EBF4: variants seen among roughly 807,000 people sequenced by gnomAD.
EBF4 encodes the protein EBF transcription factor 4.
In EBF4, 34 loss-of-function variants were observed where a neutral mutation model predicts 67.1. The ratio of observed to expected loss-of-function variants is 0.51; its 90% CI spans 0.39 to 0.67. The LOEUF is 0.67. Ranked by LOEUF, EBF4 falls within the 30% of genes least tolerant of loss-of-function variation. EBF4 has a pLI of 0.00. For missense variants in EBF4, 837 were observed against 873.3 expected (o/e 0.96, Z 0.52); for synonymous variants, 387 against 377.7 (o/e 1.02, Z -0.29).
At chr20:2,736,748 G>A (rs770977911) in intron 6 of EBF4, among the ~76,000 whole-genome samples, 62 of 152,282 alleles carry the variant, frequency 4.1e-4, no homozygotes, top group Non-Finnish European at 6.0e-4. Flanking sequence ...GCATTTGAGA[G>A]AGGGAGAAGC....
At chr20:2,717,336 G>A (rs1216751341) in intron 6 of EBF4, among the ~76,000 whole-genome samples, 1 of 152,138 alleles carries the variant, frequency 6.6e-6, no homozygotes, top group Non-Finnish European at 1.5e-5. Context: ...AATATATAGG[G>A]ATGGGGAATA....
chr20:2,737,174 C>G (rs868406883), intron 6 of EBF4, among the ~76,000 whole-genome samples: 1 of 148,106 alleles, frequency 6.8e-6, no homozygotes, highest in East Asian at 2.0e-4. Flanking sequence ...GGCGTGAACC[C>G]GGGAGGCGGA....
chr20:2,708,051 C>A (rs2087483994), intron 5 of EBF4, 31 bp downstream of exon 5: 2 of 1,586,330 alleles, frequency 1.3e-6, no homozygotes, highest in Non-Finnish European at 1.7e-6. Context: ...ACACCTCACC[C>A]CTCTGCCAAG....
chr20:2,710,105 C>T (rs1429876805), intron 6 of EBF4, among the ~76,000 whole-genome samples: 2 of 152,084 alleles, frequency 1.3e-5, no homozygotes, highest in East Asian at 1.9e-4. Flanking sequence ...ATAGAATTGT[C>T]GAGGTGATGC....
At chr20:2,710,518 G>A (rs1291049854) in intron 6 of EBF4, among the ~76,000 whole-genome samples, 3 of 150,078 alleles carry the variant, frequency 2.0e-5, no homozygotes, top group African/African-American at 7.3e-5. Flanking sequence ...AGTAAATAAT[G>A]AAAAGGAAGT....
intron 6 of EBF4, among the ~76,000 whole-genome samples, chr20:2,744,995 C>T (rs908849243): frequency 1.3e-5 from 2 of 152,202 alleles, no homozygotes; most frequent in Admixed American, 1.3e-4. Flanking sequence ...ACTTACAGCA[C>T]ATCTCAAGTT....
At chr20:2,729,224 C>T (rs948260737) in intron 6 of EBF4, among the ~76,000 whole-genome samples, 7 of 152,024 alleles carry the variant, frequency 4.6e-5, no homozygotes, top group African/African-American at 7.2e-5. Context: ...AAGCCTTCGC[C>T]GACTCCTATT....
intron 1 of EBF4, among the ~76,000 whole-genome samples, chr20:2,694,571 A>C (rs2087261519): frequency 6.6e-6 from 1 of 152,202 alleles, no homozygotes; most frequent in East Asian, 1.9e-4. Flanking sequence ...AGCTGTGACC[A>C]TGGAGGGAGG....
Position 2,755,736 on chromosome 20 carries a change from C to G in EBF4, c.1650C>G (p.Val550=). 1 of 1,551,126 alleles carries G rather than the reference C, an allele frequency of 6.4e-7. No homozygotes were observed. Among genetic ancestry groups the G allele is most frequent in the Non-Finnish European group, 8.7e-7 (1 of 1,146,898 alleles). Residue 550 remains valine (V), a synonymous_variant, in exon 15 of 17, where the codon GTC becomes GTG. Transcript: ENST00000609451. The surrounding 1 kb of genome is among the most constrained non-coding windows in gnomAD (Gnocchi z 4.7). ...CGCCTGTCAACATGATCTCCGCCGT[C>G]AAACAGAGGAGCGCCTTCGCCCCCG... is the stretch of plus-strand genomic sequence containing the variant.
At chr20:2,753,765 G>A (rs1051351954) in intron 14 of EBF4, among the ~76,000 whole-genome samples, 2 of 152,324 alleles carry the variant, frequency 1.3e-5, no homozygotes, top group East Asian at 3.9e-4. Context: ...CTGAAGGCTT[G>A]AGCCTGGCCC....
At position 2,739,158 on chromosome 20, in the gene EBF4, T is replaced by C. The variant is rs2087932610; in HGVS notation, c.558-9391T>C. ...CCCTTCCCTTCTCTAGCGTAGGCCCTTTGGTGCCTGTTTCTGCCTGAAGGG... is the reference window on the plus strand; with the variant it reads ...CCCTTCCCTTCTCTAGCGTAGGCCCCTTGGTGCCTGTTTCTGCCTGAAGGG... On this transcript the variant is annotated intron_variant, in intron 6 of 16. Transcript: ENST00000609451. The surrounding 1 kb of genome is among the most constrained non-coding windows in gnomAD (Gnocchi z 4.5). Among the ~76,000 whole-genome samples the C allele has an allele frequency of 6.6e-6, 1 of 152,130 alleles. No individual in the cohort carries two copies. The highest frequency in any genetic ancestry group is 6.5e-5 in the Admixed American group (1 of 15,286).
At position 2,752,639 on chromosome 20, in the gene EBF4, C is replaced by T. The variant is rs925921237; in HGVS notation, c.1540+94C>T. The T allele has an allele frequency of 3.1e-5, 34 of 1,089,820 alleles. No individual in the cohort carries two copies. In the African/African-American group the frequency reaches 4.2e-4, roughly 14 times the overall value. 67.5% of individuals were successfully genotyped at this position (1,089,820 alleles called of 1,614,324 possible). On this transcript the variant is annotated intron_variant, in intron 14 of 16. Coordinates refer to ENST00000609451, the Ensembl canonical transcript of EBF4. The stretch of plus-strand genomic sequence containing the variant: ...GCCCATCCCGGAGAGGTTGGGGCGC[C>T]GGCGCCGTGAGAGTCGACCCTGGCT...
chr20:2,716,758 C>T (rs896068936), intron 6 of EBF4, among the ~76,000 whole-genome samples: 4 of 152,166 alleles, frequency 2.6e-5, no homozygotes, highest in Non-Finnish European at 5.9e-5. Flanking sequence ...AGTTGTAGTA[C>T]CAGCTATGTC....
chr20:2,752,677 T>A, intron 14 of EBF4, 132 bp downstream of exon 14: 1 of 797,030 alleles, frequency 1.3e-6, no homozygotes, highest in Non-Finnish European at 1.7e-6. Flanking sequence ...GCCCTCGGGG[T>A]CAGGCCCACC....
At position 2,751,427 on chromosome 20, in the gene EBF4, G is replaced by A. The variant is rs1475196123; in HGVS notation, c.1019-273G>A. On this transcript the variant is annotated intron_variant, in intron 10 of 16. Transcript: ENST00000609451. The surrounding 1 kb of genome is among the most constrained non-coding windows in gnomAD (Gnocchi z 5.2). ...TTCCCTTTTTTCTAATCACAAATGG[G>A]TGCATGTGTGTTCATACCAAGCGCC... Among the ~76,000 whole-genome samples the A allele has an allele frequency of 6.6e-6, 1 of 152,200 alleles. No homozygotes were observed. Among genetic ancestry groups the A allele is most frequent in the Admixed American group, 6.5e-5 (1 of 15,292 alleles).
Position 2,708,024 on chromosome 20 carries a change from A to G in EBF4, c.488+4A>G, listed in dbSNP as rs1156375269. 4.4e-6 allele frequency: 7 copies of G among 1,605,844 alleles called. No individual in the cohort carries two copies. Among genetic ancestry groups the G allele is most frequent in the South Asian group, 1.1e-5 (1 of 89,904 alleles). On this transcript the variant is annotated splice_donor_region_variant and intron_variant, in intron 5 of 16. Coordinates refer to ENST00000609451, the Ensembl canonical transcript of EBF4. Reference sequence around the variant, plus strand: ...TCACCCATGAGATCATGTGCAGGTGAGATGGCCATGTCACTCACACCTCAC... The same window carrying G: ...TCACCCATGAGATCATGTGCAGGTGGGATGGCCATGTCACTCACACCTCAC...
chr20:2,703,084 C>T (rs947077106), intron 1 of EBF4, among the ~76,000 whole-genome samples: 1 of 151,542 alleles, frequency 6.6e-6, no homozygotes, highest in African/African-American at 2.4e-5. Context: ...AGTCCAGCCT[C>T]ATCTCTACAA....
exon 13 of EBF4, chr20:2,752,131 A>G (rs2088159266): frequency 6.9e-7 from 1 of 1,453,346 alleles, no homozygotes; most frequent in Non-Finnish European, 9.0e-7. Flanking sequence ...GGCTCTGTAC[A>G]GCACCCCCCG....
chr20:2,694,232 C>T (rs1361293987), intron 1 of EBF4, among the ~76,000 whole-genome samples: 1 of 152,306 alleles, frequency 6.6e-6, no homozygotes, highest in Non-Finnish European at 1.5e-5. Context: ...TCCCACGCCC[C>T]TCAGAGTTGG....
Sources: allele counts gnomAD v4.1 joint callset (sites outside exome capture counted in the v4.1 genomes callset), GRCh38; gene constraint gnomAD v4.1.1; non-coding constraint Gnocchi (gnomAD v3.1); transcripts MANE v1.5; gene names NCBI Gene and HGNC (gene_info 2026-07-23, HGNC 2026-07-21).